Variants in SETD1B observed in about 807,000 individuals in gnomAD.
The protein encoded by SETD1B is histone-lysine N-methyltransferase SETD1B.
A neutral mutation model predicts 148.0 loss-of-function variants in SETD1B; 7 were observed. That is an observed-to-expected ratio of 0.05 (90% CI 0.03 to 0.09). SETD1B has a LOEUF of 0.09. Ranked by LOEUF, SETD1B falls within the 10% of genes least tolerant of loss-of-function variation. SETD1B has a pLI of 1.00. For missense variants in SETD1B, 2,155 were observed against 2,729.9 expected (o/e 0.79, Z 4.69); for synonymous variants, 1,361 against 1,186.5 (o/e 1.15, Z -3.02).
chr12:121,793,091 G>A, the SETD1B span: 1 of 1,426,618 alleles, frequency 7.0e-7, no homozygotes, highest in Non-Finnish European at 9.6e-7. Context: ...GGGGACGCCC[G>A]GGAGGGGAAA....
rs1321884777 is a variant in SETD1B, at chr12:121,812,395, C to T, written c.1890+1560C>T. Among the ~76,000 whole-genome samples, 2 of 151,932 alleles carry T rather than the reference C, an allele frequency of 1.3e-5. 1 individual carries two copies. Among genetic ancestry groups the T allele is most frequent in the South Asian group, 4.1e-4 (2 of 4,836 alleles). On this transcript the variant is annotated intron_variant, in intron 6 of 16. Coordinates refer to ENST00000604567, the MANE Select transcript of SETD1B (RefSeq NM_001353345.2). ...CTTTTGCCTTTCTGAGTCTCAGTTT[C>T]GTCATCTGCCAAATGGGCCTGTGAG...
At chr12:121,824,327 T>A (rs1245766662) in intron 12 of SETD1B, among the ~76,000 whole-genome samples, 1 of 152,170 alleles carries the variant, frequency 6.6e-6, no homozygotes, top group Non-Finnish European at 1.5e-5. Context: ...TTAGACTGAT[T>A]TGTGAGCACT....
rs924059693 is a variant in SETD1B, at chr12:121,817,896, C to T, written c.3410C>T (p.Ser1137Leu). Residue 1137 changes from serine (S) to leucine (L), a missense_variant, in exon 10 of 17, where the codon TCG becomes TTG. By Grantham distance (145) the Ser-to-Leu change is moderately radical. Transcript: ENST00000604567. This position sits in a 1 kb window ranked among gnomAD's most constrained non-coding sequence, Gnocchi z 8.1. ...GCGAGTGAGAAGGACGAAGGGGACT[C>T]GGATGAAGGTGAGCAGGGAGGCCGT... ...SEASEKDEGD[S>L]DEEETVSIVT... The T allele has an allele frequency of 8.4e-6, 13 of 1,545,606 alleles. No individual in the cohort carries two copies. Among genetic ancestry groups the T allele is most frequent in the Middle Eastern group, 1.7e-4 (1 of 5,978 alleles).
the SETD1B span, chr12:121,794,244 C>T: frequency 6.6e-6 from 1 of 152,418 alleles, no homozygotes; most frequent in Non-Finnish European, 1.5e-5. Context: ...TCGCCTGGGC[C>T]AGGGACGCCA....
chr12:121,804,758 C>G lies in SETD1B; in HGVS notation c.21C>G (p.Pro7=), dbSNP rs1242193997. The change falls in exon 2 of 17, where the codon CCC becomes CCG. Residue 7 remains proline, a synonymous_variant. Coordinates refer to ENST00000604567, the MANE Select transcript of SETD1B (RefSeq NM_001353345.2). The surrounding 1 kb of genome is among the most constrained non-coding windows in gnomAD (Gnocchi z 4.6). MENSHP[P]HHHHQQPPPQ... is the part of the protein sequence containing the mutation. ...ACGGCATGGAGAACAGTCACCCCCC[C>G]CACCACCACCACCAGCAGCCCCCGC... The G allele has an allele frequency of 5.2e-6, 8 of 1,547,842 alleles. No individual in the cohort carries two copies. The highest frequency in any genetic ancestry group is 4.0e-5 in the Admixed American group (2 of 50,436).
Position 121,815,555 on chromosome 12 carries a change from G to A in SETD1B, c.2715+625G>A, listed in dbSNP as rs12422258. On this transcript the variant is annotated intron_variant, in intron 7 of 16. Coordinates refer to ENST00000604567, the MANE Select transcript of SETD1B (RefSeq NM_001353345.2). ...GACAGGGTCTCGCTGTATCGTCCAG[G>A]CTGGAGTGTAGTGGCGCAATCATAG... Among the ~76,000 whole-genome samples the A allele has an allele frequency of 2.4e-3, 372 of 152,156 alleles. 8 individuals are homozygous for A. Among genetic ancestry groups the A allele is most frequent in the Admixed American group, 0.021 (318 of 15,288 alleles).
rs1331558980 is a variant in SETD1B, at chr12:121,830,029, G to T, written c.5728-37G>T. ...TCTGCAGTGGTGGGGGACCCTGGGGGACCAGGGGCTCATTCTCCCCCCCAC... is the reference window on the plus strand; with the variant it reads ...TCTGCAGTGGTGGGGGACCCTGGGGTACCAGGGGCTCATTCTCCCCCCCAC... On this transcript the variant is annotated intron_variant, in intron 16 of 16. Coordinates refer to ENST00000604567, the MANE Select transcript of SETD1B (RefSeq NM_001353345.2). This position sits in a 1 kb window ranked among gnomAD's most constrained non-coding sequence, Gnocchi z 5.7. The T allele has an allele frequency of 2.0e-6, 3 of 1,533,828 alleles. No homozygotes were observed. Among genetic ancestry groups the T allele is most frequent in the South Asian group, 1.2e-5 (1 of 82,608 alleles).
intron 11 of SETD1B, 117 bp from the exon 12 acceptor site, chr12:121,822,373 C>T: frequency 8.1e-7 from 1 of 1,235,422 alleles, no homozygotes; most frequent in Non-Finnish European, 1.1e-6. Context: ...TGGAGAAGGA[C>T]AGGTCCCGTG....
At chr12:121,813,859 G>T (rs886386043) in intron 6 of SETD1B, among the ~76,000 whole-genome samples, 1 of 152,122 alleles carries the variant, frequency 6.6e-6, no homozygotes, top group African/African-American at 2.4e-5. Flanking sequence ...ACCAGTGCCT[G>T]GCACACAGGT....
At chr12:121,799,812 T>C (rs1384370154), upstream of SETD1B, 1 of 147,470 alleles carries the variant, frequency 6.8e-6, no homozygotes, top group Non-Finnish European at 1.5e-5. Context: ...GCCCCCCAAA[T>C]CTCCCTCACG....
At chr12:121,797,793 C>G in the SETD1B span, 2 of 351,628 alleles carry the variant, frequency 5.7e-6, no homozygotes, top group Non-Finnish European at 1.1e-5. Flanking sequence ...ATGGCAGAGC[C>G]AAATTTAAAA....
chr12:121,794,933 G>T, the SETD1B span, among the ~76,000 whole-genome samples: 1 of 152,188 alleles, frequency 6.6e-6, no homozygotes, highest in African/African-American at 2.4e-5. Context: ...CTCAGATAGG[G>T]GCTGGCAGGA....
At chr12:121,826,670 A>G (rs2137587201) in intron 13 of SETD1B, among the ~76,000 whole-genome samples, 1 of 152,170 alleles carries the variant, frequency 6.6e-6, no homozygotes, top group East Asian at 1.9e-4. Context: ...GAGCTGGTGC[A>G]GGGGTCCTGA....
rs1454138172 is a variant in SETD1B at position 121,822,785 on chromosome 12, A to T, written c.4206A>T (p.Gln1402His). The change falls in exon 12 of 17, where the codon CAA becomes CAT. Residue 1402 changes from glutamine (Q) to histidine (H), a missense_variant. Gln to His is a conservative substitution (Grantham distance 24). This residue lies in a region of SETD1B where 862 missense variants were observed against 873.8 expected (regional missense o/e 0.99). Coordinates refer to ENST00000604567, the MANE Select transcript of SETD1B (RefSeq NM_001353345.2). ...GSSGLSLSSP[Q>H]VPGSPFSYPA... ...GTGGCCTGTCCCTGAGCTCTCCGCA[A>T]GTGCCCGGCAGCCCCTTCTCCTACC... 1.3e-6 allele frequency: 2 copies of T among 1,512,588 alleles called. No homozygotes were observed. Among genetic ancestry groups the T allele is most frequent in the Non-Finnish European group, 1.8e-6 (2 of 1,124,828 alleles). 93.7% of individuals were successfully genotyped at this position (1,512,588 alleles called of 1,614,324 possible).
rs1876899067 is a variant in SETD1B, at chr12:121,827,512, A to G, written c.5338-7A>G. On this transcript the variant is annotated splice_region_variant and splice_polypyrimidine_tract_variant and intron_variant, in intron 13 of 16. Transcript: ENST00000604567. ...CTCCGCTGAGCCCCGCACACCGTCC[A>G]CTGCAGGGCATGAGCATCCCAGCAC... 2.6e-6 allele frequency: 4 copies of G among 1,532,776 alleles called. No homozygotes were observed. Among genetic ancestry groups the G allele is most frequent in the African/African-American group, 1.4e-5 (1 of 72,950 alleles). The allele number at this position is 1,532,776 out of a possible 1,614,324, so 94.9% of individuals were successfully genotyped here.
At chr12:121,796,816 C>T in the SETD1B span, among the ~76,000 whole-genome samples, 32 of 152,108 alleles carry the variant, frequency 2.1e-4, no homozygotes, top group African/African-American at 7.5e-4. Context: ...CCGAGGTGGG[C>T]GGATCACCTG....
At chr12:121,803,934 G>A (rs1277811756), upstream of SETD1B, 2 of 158,244 alleles carry the variant, frequency 1.3e-5, no homozygotes, top group Non-Finnish European at 2.8e-5. This position sits in a 1 kb window ranked among gnomAD's most constrained non-coding sequence, Gnocchi z 4.7. Flanking sequence ...CGGCGAGGAA[G>A]GAGAGGGGAG....
Position 121,817,986 on chromosome 12 carries a change from C to A in SETD1B, c.3418+82C>A. The A allele has an allele frequency of 7.5e-7, 1 of 1,339,960 alleles. No individual in the cohort carries two copies. The highest frequency in any genetic ancestry group is 1.0e-6 in the Non-Finnish European group (1 of 996,474). The allele number at this position is 1,339,960 out of a possible 1,614,324, so 83.0% of individuals were successfully genotyped here. A position where few individuals can be genotyped will look rare whatever the true frequency, so the allele number is the denominator to read the frequency against. ...AGAGCCTGAGCAATTGTCAGAAATACTTCTGAGCCAAAATGTTGTGCTTTT... is the reference window on the plus strand; with the variant it reads ...AGAGCCTGAGCAATTGTCAGAAATAATTCTGAGCCAAAATGTTGTGCTTTT... On this transcript the variant is annotated intron_variant, in intron 10 of 16. Coordinates refer to ENST00000604567, the MANE Select transcript of SETD1B (RefSeq NM_001353345.2). The surrounding 1 kb of genome is among the most constrained non-coding windows in gnomAD (Gnocchi z 8.1).
intron 7 of SETD1B, among the ~76,000 whole-genome samples, chr12:121,816,425 C>A (rs944957544): frequency 6.6e-6 from 1 of 152,232 alleles, no homozygotes; most frequent in African/African-American, 2.4e-5. Context: ...CGTCTGAAAT[C>A]ACTGATACAC....
Sources: gnomAD v4.1 joint callset for allele counts (sites outside exome capture counted in the v4.1 genomes callset) on GRCh38, gnomAD v4.1.1 for gene constraint, gnomAD v4.1.1 regional missense constraint, Gnocchi (gnomAD v3.1) non-coding constraint, MANE v1.5 for transcripts, NCBI Gene and HGNC (gene_info 2026-07-23, HGNC 2026-07-21) for gene names.